ESYT2: variants seen among roughly 807,000 people sequenced by gnomAD.
The protein encoded by ESYT2 is extended synaptotagmin 2, also known as extended synaptotagmin-2.
ESYT2 carries 54 observed loss-of-function variants against 107.2 expected under a neutral mutation model. That is an observed-to-expected ratio of 0.50 (90% CI 0.40 to 0.63). The LOEUF (loss-of-function observed/expected upper bound fraction) is 0.63. ESYT2 is among the 30% of genes least tolerant of loss of function. The pLI is 0.00. For synonymous variants in ESYT2, 491 were observed against 434.1 expected (o/e 1.13, Z -1.63); for missense variants, 1,020 against 1,094.5 (o/e 0.93, Z 0.96).
At chr7:158,772,121 C>CAA (rs896381292) in intron 7 of ESYT2, among the ~76,000 whole-genome samples, 1 of 127,380 alleles carries the variant, frequency 7.9e-6, no homozygotes, top group Non-Finnish European at 1.7e-5. Flanking sequence ...GATTCCATCT[C>CAA]AAAAAAAAAA....
rs539742177 is a variant in ESYT2 at position 158,821,869 on chromosome 7, C to T, written c.330+7220G>A. ...TTGCCACTGAACGTAAGGCCATGCC[C>T]TTCAATAAGAGTAGAATCTCTTCCC... is the stretch of plus-strand genomic sequence containing the variant. On this transcript the variant is annotated intron_variant, in intron 1 of 22. Transcript: ENST00000275418. 6.6e-5 allele frequency among the ~76,000 whole-genome samples: 10 copies of T among 152,298 alleles called. No homozygotes were observed. The South Asian group carries it at 2.1e-3, about 32-fold the overall frequency.
At chr7:158,739,694 C>CTTT (rs1837122779) in intron 18 of ESYT2, among the ~76,000 whole-genome samples, 1 of 152,110 alleles carries the variant, frequency 6.6e-6, no homozygotes, top group Non-Finnish European at 1.5e-5. Context: ...AAGTAAAATC[C>CTTT]TAAGCCCCCA....
In ESYT2 at chr7:158,734,199, T is replaced by C. The variant is rs753425190; in HGVS notation, c.*8A>G. 6.8e-6 allele frequency: 11 copies of C among 1,614,138 alleles called. No individual in the cohort carries two copies. Among genetic ancestry groups the C allele is most frequent in the Non-Finnish European group, 9.3e-6 (11 of 1,180,038 alleles). On this transcript the variant is annotated 3_prime_UTR_variant, in exon 23 of 23. Coordinates refer to ENST00000275418, the MANE Select transcript of ESYT2 (RefSeq NM_001367773.1). ...TACGCTGAAGAGGACGCCTCCTGCC[T>C]GCTGCGGCTATGTCATCGCCTGAGG...
intron 6 of ESYT2, among the ~76,000 whole-genome samples, chr7:158,780,795 C>G (rs1326248802): frequency 2.0e-5 from 3 of 152,124 alleles, no homozygotes; most frequent in African/African-American, 4.8e-5. Context: ...AAAGAAGGCA[C>G]CAGGCAAAGG....
chr7:158,782,231 G>T (rs576184508), intron 6 of ESYT2, among the ~76,000 whole-genome samples: 35 of 79,352 alleles, frequency 4.4e-4, no homozygotes, highest in South Asian at 1.5e-3. Flanking sequence ...AGATGTGAGT[G>T]TAACAACGAG....
chr7:158,777,876 T>C (rs975456530), intron 6 of ESYT2, among the ~76,000 whole-genome samples: 3 of 152,196 alleles, frequency 2.0e-5, no homozygotes, highest in African/African-American at 7.2e-5. Flanking sequence ...TGTGAAATTC[T>C]GCGAGAATTG....
intron 14 of ESYT2, among the ~76,000 whole-genome samples, chr7:158,750,823 A>T (rs1161580683): frequency 6.6e-6 from 1 of 152,210 alleles, no homozygotes; most frequent in Non-Finnish European, 1.5e-5. Context: ...GCAGTCAGGC[A>T]TGGCCAAGTA....
intron 1 of ESYT2, 45 bp downstream of exon 1, chr7:158,829,044 G>A (rs1305475127): frequency 6.4e-7 from 1 of 1,562,984 alleles, no homozygotes; most frequent in South Asian, 1.1e-5. Flanking sequence ...AGGGGAGATC[G>A]GGACTGGTGG....
intron 6 of ESYT2, among the ~76,000 whole-genome samples, chr7:158,782,155 GAGTGTGAGAACAGTGA>G: frequency 6.6e-6 from 1 of 150,508 alleles, no homozygotes; most frequent in Non-Finnish European, 1.5e-5. Context: ...GAACAAGTGT[GAGTGTGAGAACAGTGA>G]GGTGTGAGTG....
chr7:158,762,663 C>T (rs1170800001), intron 10 of ESYT2, among the ~76,000 whole-genome samples: 5 of 152,142 alleles, frequency 3.3e-5, no homozygotes, highest in Admixed American at 6.5e-5. Context: ...ATGTGAATTA[C>T]TATATCCTGA....
Position 158,829,077 on chromosome 7 carries a change from G to T in ESYT2, c.330+12C>A. 6.3e-7 allele frequency: 1 copy of T among 1,583,990 alleles called. No homozygotes were observed. Among genetic ancestry groups the T allele is most frequent in the South Asian group, 1.1e-5 (1 of 89,772 alleles). Reference sequence around the variant, plus strand: ...TGGTCAGGGGTCGGGACGGGCAGGGGTCTGCACTCACCCAGGCGGGCAGGT... The same window carrying T: ...TGGTCAGGGGTCGGGACGGGCAGGGTTCTGCACTCACCCAGGCGGGCAGGT... On this transcript the variant is annotated intron_variant, in intron 1 of 22. Coordinates refer to ENST00000275418, the MANE Select transcript of ESYT2 (RefSeq NM_001367773.1).
intron 14 of ESYT2, among the ~76,000 whole-genome samples, chr7:158,750,659 TG>T: frequency 6.6e-6 from 1 of 152,328 alleles, no homozygotes; most frequent in Non-Finnish European, 1.5e-5. Flanking sequence ...TAAGTACTGT[TG>T]AAAAAAGTTT....
chr7:158,737,925 G>A (rs538490475), intron 19 of ESYT2, among the ~76,000 whole-genome samples: 1 of 152,212 alleles, frequency 6.6e-6, no homozygotes, highest in African/African-American at 2.4e-5. Context: ...TAATGCAACA[G>A]TCACCTGACT....
At chr7:158,756,026 TTAAG>T in intron 13 of ESYT2, among the ~76,000 whole-genome samples, 1 of 152,228 alleles carries the variant, frequency 6.6e-6, no homozygotes, top group African/African-American at 2.4e-5. Flanking sequence ...TTTAAAATAA[TTAAG>T]TAAATAAATA....
chr7:158,747,800 A>C (rs115528233), intron 16 of ESYT2, among the ~76,000 whole-genome samples: 1,700 of 152,332 alleles, frequency 0.011, 36 homozygotes, highest in African/African-American at 0.039. Flanking sequence ...CCAATCTTTT[A>C]TCAATGTCTT....
At position 158,741,710 on chromosome 7, in the gene ESYT2, T is replaced by C. The variant is rs1203282651; in HGVS notation, c.1981A>G (p.Met661Val). The change falls in exon 18 of 23, where the codon ATG becomes GTG. Residue 661 changes from methionine to valine, a missense_variant. Coordinates refer to ENST00000275418, the MANE Select transcript of ESYT2 (RefSeq NM_001367773.1). ...TCAGGGGGCTGGGCCTTTTCTTCCA[T>C]ACCAGGCTTATCACTGCCCCCAATG... ...PVIGGSDKPGMEEKAQPPEAG... is the reference protein window; with the variant it reads ...PVIGGSDKPGVEEKAQPPEAG... 4 of 1,613,944 alleles carry C rather than the reference T, an allele frequency of 2.5e-6. No homozygotes were observed. Among genetic ancestry groups the C allele is most frequent in the South Asian group, 1.1e-5 (1 of 91,068 alleles).
rs148653729 is a variant in ESYT2 at position 158,806,088 on chromosome 7, C to T, written c.331-7016G>A. ...CCGGGGCACACCGCGTGGGAGGCGC[C>T]GGGGCACACCGCGTGGGAGGCGCCG... On this transcript the variant is annotated intron_variant, in intron 1 of 22. Transcript: ENST00000275418. Among the ~76,000 whole-genome samples, 715 of 151,620 alleles carry T rather than the reference C, an allele frequency of 4.7e-3. 4 individuals carry two copies. Among genetic ancestry groups the T allele is most frequent in the African/African-American group, 0.014 (586 of 41,266 alleles).
intron 7 of ESYT2, among the ~76,000 whole-genome samples, chr7:158,771,319 T>C (rs999851180): frequency 1.3e-5 from 2 of 152,250 alleles, no homozygotes; most frequent in Non-Finnish European, 2.9e-5. Flanking sequence ...TCTACACTGA[T>C]GTGTGTGGAT....
At position 158,789,384 on chromosome 7, in the gene ESYT2, TCTCGCTCTGTTGC is replaced by T. The variant is rs534135474; in HGVS notation, c.585-980_585-968del. On this transcript the variant is annotated intron_variant, in intron 4 of 22. Coordinates refer to ENST00000275418, the MANE Select transcript of ESYT2 (RefSeq NM_001367773.1). ...TCTTTTCTTTTTTTTTGAGATGGAG[TCTCGCTCTGTTGC>T]CGAGGCTGGAGTACAGTGGTGCAAT... Among the ~76,000 whole-genome samples, 1,282 of 152,178 alleles carry T rather than the reference TCTCGCTCTGTTGC, an allele frequency of 8.4e-3. 16 individuals are homozygous for T. Among genetic ancestry groups the T allele is most frequent in the South Asian group, 0.029 (137 of 4,806 alleles).
Sources: allele counts gnomAD v4.1 joint callset (sites outside exome capture counted in the v4.1 genomes callset), GRCh38; gene constraint gnomAD v4.1.1; transcripts MANE v1.5; gene names NCBI Gene and HGNC (gene_info 2026-07-23, HGNC 2026-07-21).